GABRG3: variants seen among roughly 807,000 people sequenced by gnomAD.
GABRG3 encodes gamma-aminobutyric acid type A receptor subunit gamma3, also known as gamma-aminobutyric acid receptor subunit gamma-3.
A neutral mutation model predicts 48.8 loss-of-function variants in GABRG3; 25 were observed. The observed-to-expected ratio is 0.51, with a 90% CI of 0.37 to 0.72. The LOEUF (loss-of-function observed/expected upper bound fraction) is 0.72, where lower values mean the gene tolerates loss of function less well. GABRG3 is among the 30% of genes least tolerant of loss of function. The pLI is 0.00. For synonymous variants in GABRG3, 227 were observed against 217.6 expected (o/e 1.04, Z -0.38); for missense variants, 394 against 577.9 (o/e 0.68, Z 3.26).
chr15:27,097,107 C>T (rs1897278199), intron 3 of GABRG3, among the ~76,000 whole-genome samples: 1 of 151,708 alleles, frequency 6.6e-6, no homozygotes, highest in South Asian at 2.1e-4. Flanking sequence ...CCGCTTTGGC[C>T]TCCCAAAGTG....
intron 3 of GABRG3, among the ~76,000 whole-genome samples, chr15:27,293,690 C>CA (rs534211544): frequency 0.036 from 4,912 of 137,648 alleles, 95 homozygotes; most frequent in Non-Finnish European, 0.046. Flanking sequence ...AAAAAACAAA[C>CA]AAAAAAAAAA....
chr15:27,235,745 A>G (rs1366567845), intron 3 of GABRG3, among the ~76,000 whole-genome samples: 1 of 152,202 alleles, frequency 6.6e-6, no homozygotes, highest in South Asian at 2.1e-4. Context: ...GTTCAAAGAA[A>G]TATCTTAGAC....
rs1328265177 is a variant in GABRG3 at position 27,430,769 on chromosome 15, C to T, written c.575-49881C>T. ...CTTTGGGAGGCTGAGGCAGGTGGAT[C>T]GCCTGAAGCCAGGAGTTCATGACCA... On this transcript the variant is annotated intron_variant, in intron 5 of 9. Coordinates refer to ENST00000615808, the MANE Select transcript of GABRG3 (RefSeq NM_033223.5). Among the ~76,000 whole-genome samples the T allele has an allele frequency of 3.9e-5, 6 of 151,984 alleles. No individual in the cohort carries two copies. In the East Asian group the frequency reaches 5.8e-4, roughly 15 times the overall value.
chr15:27,138,164 C>T (rs1392633251), intron 3 of GABRG3, among the ~76,000 whole-genome samples: 1 of 152,150 alleles, frequency 6.6e-6, no homozygotes, highest in Non-Finnish European at 1.5e-5. Context: ...GATATTTATG[C>T]CTGTAGTTCA....
intron 3 of GABRG3, among the ~76,000 whole-genome samples, chr15:27,186,228 T>C (rs1275421321): frequency 6.6e-6 from 1 of 152,140 alleles, no homozygotes; most frequent in Non-Finnish European, 1.5e-5. Context: ...TTTATGTCCA[T>C]GCGTCCTCTT....
chr15:27,307,756 C>CCTATAGGTTT lies in GABRG3; in HGVS notation c.271-19053_271-19052insCTATAGGTTT, dbSNP rs1555370108. Among the ~76,000 whole-genome samples the CCTATAGGTTT allele has an allele frequency of 2.9e-3, 331 of 112,236 alleles. 7 individuals carry two copies. In the East Asian group the frequency reaches 0.035, roughly 12 times the overall value. The allele number at this position is 112,236 out of a possible 152,430, so 73.6% of individuals were successfully genotyped here. A position where few individuals can be genotyped will look rare whatever the true frequency, so the allele number is the denominator to read the frequency against. On this transcript the variant is annotated intron_variant, in intron 3 of 9. Coordinates refer to ENST00000615808, the MANE Select transcript of GABRG3 (RefSeq NM_033223.5). ...ATATAATCATAGGTTTATATATAAA[C>CCTATAGGTTT]ATATAAAATAAACATATGTTTATAT...
intron 3 of GABRG3, among the ~76,000 whole-genome samples, chr15:27,234,835 C>T (rs1334326930): frequency 2.6e-5 from 4 of 152,130 alleles, no homozygotes; most frequent in Non-Finnish European, 5.9e-5. Context: ...CAAAGCAGGC[C>T]TGTGTTGTCA....
intron 5 of GABRG3, among the ~76,000 whole-genome samples, chr15:27,458,671 T>A (rs1461743541): frequency 2.0e-5 from 3 of 151,672 alleles, no homozygotes; most frequent in African/African-American, 4.9e-5. Flanking sequence ...CAGGGCTCAC[T>A]TTCTCCATAT....
chr15:27,188,003 T>TA (rs1485335291), intron 3 of GABRG3, among the ~76,000 whole-genome samples: 1 of 151,852 alleles, frequency 6.6e-6, no homozygotes, highest in Admixed American at 6.6e-5. Flanking sequence ...TTGCGACAGT[T>TA]TACTGAGAAT....
rs114642484 is a variant in GABRG3 at position 27,357,170 on chromosome 15, G to A, written c.574+28282G>A. On this transcript the variant is annotated intron_variant, in intron 5 of 9. Transcript: ENST00000615808. ...ATTGTGTTTTAACACCCATCCTGTCGCTCTGTCTTCCCCAACACTGAGAAG... is the reference window on the plus strand; with the variant it reads ...ATTGTGTTTTAACACCCATCCTGTCACTCTGTCTTCCCCAACACTGAGAAG... Among the ~76,000 whole-genome samples the A allele has an allele frequency of 2.3e-3, 350 of 152,186 alleles. 1 individual carries two copies. Among genetic ancestry groups the A allele is most frequent in the African/African-American group, 7.9e-3 (330 of 41,540 alleles).
intron 5 of GABRG3, among the ~76,000 whole-genome samples, chr15:27,392,591 A>G (rs1887168303): frequency 1.3e-5 from 2 of 152,170 alleles, no homozygotes; most frequent in Admixed American, 1.3e-4. Flanking sequence ...TATTCCCTTC[A>G]TCATGCAGTA....
At chr15:27,067,840 G>C (rs914833247) in intron 3 of GABRG3, among the ~76,000 whole-genome samples, 1 of 152,118 alleles carries the variant, frequency 6.6e-6, no homozygotes, top group African/African-American at 2.4e-5. Flanking sequence ...GGTGTCTCTT[G>C]CTTGCAATCA....
intron 5 of GABRG3, among the ~76,000 whole-genome samples, chr15:27,350,626 C>T (rs1595695898): frequency 6.6e-6 from 1 of 152,174 alleles, no homozygotes; most frequent in East Asian, 1.9e-4. Flanking sequence ...GGAGGGAGTC[C>T]AGCGCATCAA....
At chr15:27,239,926 A>G (rs999131474) in intron 3 of GABRG3, among the ~76,000 whole-genome samples, 2 of 152,220 alleles carry the variant, frequency 1.3e-5, no homozygotes. Flanking sequence ...ACCTCCAGCT[A>G]ATTGTATTAT....
At position 26,971,648 on chromosome 15, in the gene GABRG3, G is replaced by T. The variant is rs1243852539; in HGVS notation, c.53+60G>T. On this transcript the variant is annotated intron_variant, in intron 1 of 9. Coordinates refer to ENST00000615808, the MANE Select transcript of GABRG3 (RefSeq NM_033223.5). Reference sequence around the variant, plus strand: ...CGAGCTGGGCGACAGGGCGGCGGGGGGCGCTGTCTGCTGGAGTCCCTGGCG... The same window carrying T: ...CGAGCTGGGCGACAGGGCGGCGGGGTGCGCTGTCTGCTGGAGTCCCTGGCG... 5.3e-6 allele frequency: 8 copies of T among 1,499,574 alleles called. No individual in the cohort carries two copies. In the African/African-American group the frequency reaches 8.7e-5, roughly 16 times the overall value. 92.9% of individuals were successfully genotyped at this position (1,499,574 alleles called of 1,614,324 possible). A position where few individuals can be genotyped will look rare whatever the true frequency, so the allele number is the denominator to read the frequency against.
chr15:27,254,949 T>A (rs1890565863), intron 3 of GABRG3, among the ~76,000 whole-genome samples: 1 of 151,886 alleles, frequency 6.6e-6, no homozygotes, highest in Non-Finnish European at 1.5e-5. Context: ...TGAGACAGAA[T>A]TGGGAGGTGC....
chr15:27,172,034 C>G (rs959860633), intron 3 of GABRG3, among the ~76,000 whole-genome samples: 2 of 152,072 alleles, frequency 1.3e-5, no homozygotes, highest in Non-Finnish European at 2.9e-5. Context: ...TAATCAGGAG[C>G]TCGCTCTTGT....
chr15:27,199,395 C>T (rs72702037), intron 3 of GABRG3, among the ~76,000 whole-genome samples: 7,177 of 152,208 alleles, frequency 0.047, 225 homozygotes, highest in South Asian at 0.076. Context: ...AGAATGTGTT[C>T]CCCACTGGGA....
intron 5 of GABRG3, among the ~76,000 whole-genome samples, chr15:27,463,248 CATGAT>C (rs1595770928): frequency 6.6e-6 from 1 of 152,018 alleles, no homozygotes; most frequent in African/African-American, 2.4e-5. Context: ...TTCTAAGACT[CATGAT>C]ATATATAAAG....
Sources: gnomAD v4.1 joint callset for allele counts (sites outside exome capture counted in the v4.1 genomes callset) on GRCh38, gnomAD v4.1.1 for gene constraint, MANE v1.5 for transcripts, NCBI Gene and HGNC (gene_info 2026-07-23, HGNC 2026-07-21) for gene names.